MYO1E: variants seen among roughly 807,000 people sequenced by gnomAD.
The protein encoded by MYO1E is myosin IE.
In MYO1E, 68 loss-of-function variants were observed where a neutral mutation model predicts 151.1. That is an observed-to-expected ratio of 0.45 (90% CI 0.37 to 0.55). MYO1E has a LOEUF of 0.55. Ranked by LOEUF, MYO1E falls within the 20% of genes least tolerant of loss-of-function variation. The pLI is 0.00. For missense variants in MYO1E, 1,363 were observed against 1,389.3 expected, an observed-to-expected ratio of 0.98 and a Z score of 0.30; for synonymous variants, 601 against 501.7, an observed-to-expected ratio of 1.20 and a Z score of -2.64.
chr15:59,259,852 T>C (rs1251651443), intron 3 of MYO1E, among the ~76,000 whole-genome samples: 1 of 152,186 alleles, frequency 6.6e-6, no homozygotes, highest in African/African-American at 2.4e-5. Context: ...ACTCTCAAAG[T>C]CATTAGGACC....
Position 59,136,430 on chromosome 15 carries a change from A to G in MYO1E, c.*950T>C, listed in dbSNP as rs2079373286. 1 of 184,980 alleles carries G rather than the reference A, an allele frequency of 5.4e-6. No individual in the cohort carries two copies. Among genetic ancestry groups the G allele is most frequent in the South Asian group, 1.0e-4 (1 of 9,832 alleles). 11.5% of individuals were successfully genotyped at this position (184,980 alleles called of 1,614,324 possible). ...ACGCGGAGTAAGTTTCCTATAGGGA[A>G]AGAGTTGAGAAGAGTCTGCAGGGAC... On this transcript the variant is annotated 3_prime_UTR_variant, in exon 28 of 28. Transcript: ENST00000288235.
At chr15:59,353,485 G>A (rs1000886650) in intron 1 of MYO1E, among the ~76,000 whole-genome samples, 8 of 151,718 alleles carry the variant, frequency 5.3e-5, no homozygotes, top group African/African-American at 1.2e-4. Context: ...GGCCAGGTGC[G>A]GTGGCTCACA....
intron 4 of MYO1E, among the ~76,000 whole-genome samples, chr15:59,238,226 T>A (rs1233680513): frequency 1.3e-5 from 2 of 152,196 alleles, no homozygotes; most frequent in Non-Finnish European, 2.9e-5. Context: ...CATACTCAGA[T>A]GATGTATTTA....
chr15:59,275,083 C>G (rs75635879), intron 1 of MYO1E, among the ~76,000 whole-genome samples: 1 of 152,132 alleles, frequency 6.6e-6, no homozygotes, highest in Non-Finnish European at 1.5e-5. Context: ...TGAGATCTCC[C>G]GACTAGTAAG....
intron 5 of MYO1E, among the ~76,000 whole-genome samples, chr15:59,232,032 A>G (rs2080031514): frequency 6.6e-6 from 1 of 152,138 alleles, no homozygotes; most frequent in South Asian, 2.1e-4. Context: ...CCAGGGCCCC[A>G]CTGTCAATCA....
intron 1 of MYO1E, among the ~76,000 whole-genome samples, chr15:59,278,639 G>C (rs1441211941): frequency 6.6e-6 from 1 of 152,152 alleles, no homozygotes; most frequent in African/African-American, 2.4e-5. Context: ...TTGGTGATGG[G>C]AAGATGTGTC....
intron 6 of MYO1E, 81 bp from the exon 7 acceptor site, chr15:59,227,671 A>G: frequency 2.6e-6 from 4 of 1,515,234 alleles, no homozygotes. Context: ...ACAGTATATA[A>G]TTCAAGGAAA....
chr15:59,214,773 C>A (rs529946709), intron 10 of MYO1E, 53 bp from the exon 11 acceptor site: 8 of 1,393,274 alleles, frequency 5.7e-6, no homozygotes, highest in African/African-American at 1.4e-5. Flanking sequence ...ATACTAAAAA[C>A]GGGCATGCAC....
chr15:59,224,934 A>C, intron 7 of MYO1E, 111 bp from the exon 8 acceptor site: 1 of 1,442,286 alleles, frequency 6.9e-7, no homozygotes, highest in East Asian at 2.3e-5. Context: ...TGCTTTCTAA[A>C]ATTACAGGCA....
chr15:59,267,226 C>G (rs1289146031), intron 2 of MYO1E, among the ~76,000 whole-genome samples: 1 of 151,206 alleles, frequency 6.6e-6, no homozygotes, highest in Non-Finnish European at 1.5e-5. Context: ...GGGTTTTCAC[C>G]ATGTTGGCCA....
chr15:59,369,665 A>G (rs902437285), intron 1 of MYO1E, among the ~76,000 whole-genome samples: 2 of 152,144 alleles, frequency 1.3e-5, no homozygotes, highest in African/African-American at 4.8e-5. Flanking sequence ...ACAAGTAACT[A>G]TTGCCTGGTA....
chr15:59,204,936 A>G (rs2079823418), intron 15 of MYO1E, among the ~76,000 whole-genome samples: 1 of 152,208 alleles, frequency 6.6e-6, no homozygotes, highest in Non-Finnish European at 1.5e-5. Flanking sequence ...CTCCCTGATA[A>G]TAGTATTGAA....
At chr15:59,205,306 G>A in intron 15 of MYO1E, 94 bp downstream of exon 15, 2 of 1,252,392 alleles carry the variant, frequency 1.6e-6, no homozygotes, top group Non-Finnish European at 2.3e-6. Context: ...GGGACTATAG[G>A]AACACACCAC....
At chr15:59,335,744 T>A (rs939106104) in intron 1 of MYO1E, among the ~76,000 whole-genome samples, 8 of 152,170 alleles carry the variant, frequency 5.3e-5, no homozygotes, top group African/African-American at 1.2e-4. Context: ...CCAATTAACT[T>A]AGTCCGGCAT....
In MYO1E at chr15:59,158,274, G is replaced by A. The variant is rs374270908; in HGVS notation, c.2878+13C>T. The A allele has an allele frequency of 3.9e-5, 61 of 1,546,636 alleles. No homozygotes were observed. The highest frequency in any genetic ancestry group is 1.9e-4 in the East Asian group (8 of 42,436). ...ATTTAGTGGTCCCAGACTACGGTACGTAGCTGGCTTACCTGGGGGAGGAGG... is the reference window on the plus strand; with the variant it reads ...ATTTAGTGGTCCCAGACTACGGTACATAGCTGGCTTACCTGGGGGAGGAGG... On this transcript the variant is annotated intron_variant, in intron 25 of 27. Transcript: ENST00000288235.
intron 14 of MYO1E, chr15:59,207,421 C>A (rs144009943): frequency 1.5e-5 from 25 of 1,613,890 alleles, no homozygotes; most frequent in African/African-American, 2.7e-5. Context: ...TTTAGTCCAG[C>A]GAAATGTGGC....
chr15:59,356,570 C>T (rs1239096580), intron 1 of MYO1E, among the ~76,000 whole-genome samples: 1 of 152,316 alleles, frequency 6.6e-6, no homozygotes, highest in Non-Finnish European at 1.5e-5. Flanking sequence ...AAAAGAAATA[C>T]AAACATTTTT....
At chr15:59,143,195 A>G (rs1257227073) in intron 26 of MYO1E, among the ~76,000 whole-genome samples, 6 of 152,156 alleles carry the variant, frequency 3.9e-5, no homozygotes, top group African/African-American at 1.4e-4. Flanking sequence ...GTTGTGGACA[A>G]CTGCTACCAT....
chr15:59,359,270 A>T (rs1300282807), intron 1 of MYO1E, among the ~76,000 whole-genome samples: 2 of 120,456 alleles, frequency 1.7e-5, no homozygotes, highest in African/African-American at 5.5e-5. Flanking sequence ...ATATATATAT[A>T]TTTTACATAC....
Sources: gnomAD v4.1 joint callset for allele counts (sites outside exome capture counted in the v4.1 genomes callset) on GRCh38, gnomAD v4.1.1 for gene constraint, MANE v1.5 for transcripts, NCBI Gene and HGNC (gene_info 2026-07-23, HGNC 2026-07-21) for gene names.